The following GLIS3 variants were observed in gnomAD, a reference collection of about 807,000 sequenced individuals.
GLIS3 encodes the protein zinc finger protein GLIS3.
GLIS3 carries 53 observed loss-of-function variants against 78.6 expected under a neutral mutation model. The ratio of observed to expected loss-of-function variants is 0.67; its 90% CI spans 0.54 to 0.85. The LOEUF (loss-of-function observed/expected upper bound fraction) is 0.85, where lower values mean the gene tolerates loss of function less well. Ranked by LOEUF, GLIS3 falls within the 40% of genes least tolerant of loss-of-function variation. The pLI is 0.00. For missense variants in GLIS3, 1,703 were observed against 1,231.1 expected, an observed-to-expected ratio of 1.38 and a Z score of -5.74; for synonymous variants, 684 against 509.9, an observed-to-expected ratio of 1.34 and a Z score of -4.60.
At chr9:4,250,473 AT>A (rs1237840798) in intron 2 of GLIS3, among the ~76,000 whole-genome samples, 3 of 151,786 alleles carry the variant, frequency 2.0e-5, no homozygotes, top group African/African-American at 4.8e-5. Flanking sequence ...CCCCTTTATC[AT>A]TTTTTTATTG....
chr9:4,307,055 C>T (rs1817243187), intron 4 of GLIS3, among the ~76,000 whole-genome samples: 1 of 152,184 alleles, frequency 6.6e-6, no homozygotes, highest in South Asian at 2.1e-4. Flanking sequence ...GTTTAAGACA[C>T]AGTTTAGTTA....
intron 4 of GLIS3, among the ~76,000 whole-genome samples, chr9:4,009,877 G>A (rs764200896): frequency 6.6e-6 from 1 of 152,152 alleles, no homozygotes; most frequent in Non-Finnish European, 1.5e-5. Context: ...TGGCCGCCCC[G>A]GTCATAGGAC....
chr9:4,419,225 A>C, the GLIS3 span, among the ~76,000 whole-genome samples: 2 of 152,330 alleles, frequency 1.3e-5, no homozygotes, highest in South Asian at 4.1e-4. Flanking sequence ...CTAGGTGCTC[A>C]TCTGGGTTGA....
chr9:4,080,863 T>C (rs1828498621), intron 4 of GLIS3, among the ~76,000 whole-genome samples: 1 of 152,206 alleles, frequency 6.6e-6, no homozygotes, highest in African/African-American at 2.4e-5. Context: ...TTGGATCATC[T>C]TGACCCCCGG....
intron 9 of GLIS3, among the ~76,000 whole-genome samples, chr9:3,850,512 G>C (rs1348229112): frequency 6.6e-6 from 1 of 152,218 alleles, no homozygotes; most frequent in Non-Finnish European, 1.5e-5. Flanking sequence ...GCACCTGAGT[G>C]AACTGAACTC....
the GLIS3 span, among the ~76,000 whole-genome samples, chr9:4,488,443 C>T: frequency 1.3e-5 from 2 of 152,094 alleles, no homozygotes; most frequent in South Asian, 4.1e-4. Context: ...ATTTACCATT[C>T]CATTTATGTT....
chr9:4,333,896 T>G (rs1028208624), intron 2 of GLIS3, among the ~76,000 whole-genome samples: 1 of 152,158 alleles, frequency 6.6e-6, no homozygotes, highest in African/African-American at 2.4e-5. Flanking sequence ...GGAAAACCAC[T>G]TTGCATTGGG....
At chr9:4,267,244 A>T (rs1009079375) in intron 2 of GLIS3, among the ~76,000 whole-genome samples, 1 of 152,110 alleles carries the variant, frequency 6.6e-6, no homozygotes, top group South Asian at 2.1e-4. Flanking sequence ...ATTCTAGGCA[A>T]TTTCTGGTAT....
chr9:4,198,635 T>C (rs1171564330), intron 2 of GLIS3, among the ~76,000 whole-genome samples: 1 of 152,182 alleles, frequency 6.6e-6, no homozygotes, highest in African/African-American at 2.4e-5. Flanking sequence ...TTGGAAAACA[T>C]ATTTGAGAAA....
intron 6 of GLIS3, among the ~76,000 whole-genome samples, chr9:3,902,870 T>C (rs1298361146): frequency 6.6e-6 from 1 of 152,198 alleles, no homozygotes; most frequent in Non-Finnish European, 1.5e-5. Context: ...TCTTCCTTGA[T>C]CAACTGTGAC....
chr9:4,244,596 C>T (rs796433023), intron 2 of GLIS3, among the ~76,000 whole-genome samples: 6 of 151,696 alleles, frequency 4.0e-5, no homozygotes, highest in Admixed American at 1.3e-4. Context: ...TTTTTTGAGA[C>T]GGAGTTTTGC....
chr9:4,258,566 T>G (rs865951240), intron 2 of GLIS3, among the ~76,000 whole-genome samples: 5 of 152,310 alleles, frequency 3.3e-5, no homozygotes, highest in African/African-American at 1.2e-4. Flanking sequence ...AAAACAAGAT[T>G]CATAATGGGT....
chr9:4,161,575 G>A (rs1835478462), intron 2 of GLIS3, among the ~76,000 whole-genome samples: 1 of 151,756 alleles, frequency 6.6e-6, no homozygotes, highest in African/African-American at 2.4e-5. Context: ...TACTTCACTT[G>A]CTGTATTAGT....
At chr9:4,214,258 G>A (rs1820627025) in intron 2 of GLIS3, among the ~76,000 whole-genome samples, 1 of 152,198 alleles carries the variant, frequency 6.6e-6, no homozygotes, top group Non-Finnish European at 1.5e-5. Context: ...TTGTGGAATG[G>A]AGGCAGTGGC....
At chr9:3,981,048 G>A (rs893528498) in intron 4 of GLIS3, among the ~76,000 whole-genome samples, 4 of 152,110 alleles carry the variant, frequency 2.6e-5, no homozygotes, top group Non-Finnish European at 4.4e-5. Flanking sequence ...AGATGAACTC[G>A]GGCAGCAGCC....
chr9:4,235,327 G>GA (rs1317775142), intron 2 of GLIS3, among the ~76,000 whole-genome samples: 3 of 151,428 alleles, frequency 2.0e-5, no homozygotes, highest in Non-Finnish European at 4.4e-5. Flanking sequence ...CTGATGGGGG[G>GA]AGTCATTGAG....
chr9:4,359,651 T>C, the GLIS3 span, among the ~76,000 whole-genome samples: 1 of 152,206 alleles, frequency 6.6e-6, no homozygotes, highest in African/African-American at 2.4e-5. Flanking sequence ...TGGATTTTAA[T>C]TTAATTTTAG....
chr9:4,427,120 T>C, the GLIS3 span, among the ~76,000 whole-genome samples: 1 of 152,228 alleles, frequency 6.6e-6, no homozygotes, highest in Admixed American at 6.5e-5. Flanking sequence ...CTTCAGACAG[T>C]AGTGTTGCCA....
chr9:3,882,024 C>G (rs745914948), intron 7 of GLIS3, among the ~76,000 whole-genome samples: 1 of 152,186 alleles, frequency 6.6e-6, no homozygotes, highest in Non-Finnish European at 1.5e-5. Flanking sequence ...ATTACATTTG[C>G]TCTATATGCA....
Sources: gnomAD v4.1 joint callset for allele counts (sites outside exome capture counted in the v4.1 genomes callset) on GRCh38, gnomAD v4.1.1 for gene constraint, MANE v1.5 for transcripts, NCBI Gene and HGNC (gene_info 2026-07-23, HGNC 2026-07-21) for gene names.